Variants in PHEX observed in about 807,000 individuals in gnomAD.
PHEX encodes the protein phosphate regulating endopeptidase X-linked.
A neutral mutation model predicts 68.0 loss-of-function variants in PHEX; 16 were observed. The ratio of observed to expected loss-of-function variants is 0.24; its 90% CI spans 0.16 to 0.36. The LOEUF is 0.36. Among genes scored for constraint, PHEX ranks in the 10% least tolerant of loss-of-function variants. The pLI, the probability that PHEX is intolerant of heterozygous loss-of-function variation, is 1.00. For missense variants in PHEX, 480 were observed against 575.5 expected, an observed-to-expected ratio of 0.83 and a Z score of 1.70; for synonymous variants, 208 against 205.1, an observed-to-expected ratio of 1.01 and a Z score of -0.12.
At position 22,233,147 on chromosome X, in the gene PHEX, T is replaced by C. The variant is rs150051288; in HGVS notation, c.2070+5536T>C. Among the ~76,000 whole-genome samples, 874 of 112,294 alleles carry C rather than the reference T, an allele frequency of 7.8e-3. 7 individuals carry two copies. The highest frequency in any genetic ancestry group is 0.027 in the African/African-American group (840 of 30,859). On this transcript the variant is annotated intron_variant, in intron 20 of 21. Coordinates refer to ENST00000379374, the MANE Select transcript of PHEX (RefSeq NM_000444.6). Reference sequence around the variant, plus strand: ...ATATTGGCCCTCACTCTCTCCTGGCTTGTAGAGTTTGTGCTGAGAGAGATC... The same window carrying C: ...ATATTGGCCCTCACTCTCTCCTGGCCTGTAGAGTTTGTGCTGAGAGAGATC...
At chrX:22,107,585 A>G (rs184930420) in intron 9 of PHEX, among the ~76,000 whole-genome samples, 1 of 111,557 alleles carries the variant, frequency 9.0e-6, no homozygotes, top group African/African-American at 3.3e-5. Context: ...ATCCTCTCCA[A>G]CATATCAGCC....
At chrX:22,132,045 G>C (rs1932030205) in intron 11 of PHEX, among the ~76,000 whole-genome samples, 1 of 111,871 alleles carries the variant, frequency 8.9e-6, no homozygotes, top group South Asian at 3.8e-4. Flanking sequence ...CTTTGCGATA[G>C]GTCTTTCAGA....
intron 11 of PHEX, among the ~76,000 whole-genome samples, chrX:22,120,441 A>T (rs775665080): frequency 2.7e-5 from 3 of 111,746 alleles, no homozygotes; most frequent in African/African-American, 9.8e-5. Context: ...TTCTAATATT[A>T]AGATCCTAAA....
At position 22,154,386 on chromosome X, in the gene PHEX, G is replaced by T. The variant is rs763366015; in HGVS notation, c.1405-13926G>T. ...GCCTTGGTACCATGGCAAGTACCAT[G>T]ATCTACAGCAGAGAGTATCTCAAAT... On this transcript the variant is annotated intron_variant, in intron 12 of 21. Transcript: ENST00000379374. Among the ~76,000 whole-genome samples the T allele has an allele frequency of 3.6e-5, 4 of 111,137 alleles. No homozygotes were observed. In the East Asian group the frequency reaches 1.1e-3, roughly 32 times the overall value.
chrX:22,216,811 C>A (rs537396507), intron 16 of PHEX, among the ~76,000 whole-genome samples: 1 of 111,274 alleles, frequency 9.0e-6, no homozygotes, highest in Non-Finnish European at 1.9e-5. Flanking sequence ...TGAGCCACCA[C>A]GCCTGGCCAA....
At chrX:22,069,769 T>C (rs1034248035) in intron 3 of PHEX, among the ~76,000 whole-genome samples, 1 of 111,792 alleles carries the variant, frequency 8.9e-6, no homozygotes, top group Non-Finnish European at 1.9e-5. Flanking sequence ...ATTCAGTTAA[T>C]CCCATGCTTG....
In PHEX at chrX:22,188,047, T is replaced by C. The variant is rs183608493; in HGVS notation, c.1587-2397T>C. 3.2e-3 allele frequency among the ~76,000 whole-genome samples: 353 copies of C among 111,904 alleles called. 2 individuals are homozygous for C. Among genetic ancestry groups the C allele is most frequent in the African/African-American group, 0.011 (330 of 30,828 alleles). On this transcript the variant is annotated intron_variant, in intron 14 of 21. Coordinates refer to ENST00000379374, the MANE Select transcript of PHEX (RefSeq NM_000444.6). The stretch of plus-strand genomic sequence containing the variant: ...TAGTAAGTGCTCAATGAATGTTAGC[T>C]AAATATAATGATAATGATAACAGAA...
At chrX:22,110,295 CTAAA>C (rs1350094883) in intron 9 of PHEX, among the ~76,000 whole-genome samples, 1 of 112,170 alleles carries the variant, frequency 8.9e-6, no homozygotes, top group East Asian at 2.8e-4. Flanking sequence ...CACCAAACTT[CTAAA>C]TAAAGACCAA....
At chrX:22,106,058 C>T (rs1336769341) in intron 9 of PHEX, among the ~76,000 whole-genome samples, 1 of 107,661 alleles carries the variant, frequency 9.3e-6, no homozygotes, top group Admixed American at 1.0e-4. Flanking sequence ...GGGGAAATTA[C>T]CATATGGCTG....
intron 13 of PHEX, among the ~76,000 whole-genome samples, chrX:22,169,385 CATT>C (rs1310440300): frequency 8.9e-6 from 1 of 112,192 alleles, no homozygotes; most frequent in Non-Finnish European, 1.9e-5. Context: ...CTGAAAATCC[CATT>C]ATTATTATCG....
At chrX:22,196,732 A>T (rs147787962) in intron 15 of PHEX, among the ~76,000 whole-genome samples, 21 of 112,477 alleles carry the variant, frequency 1.9e-4, no homozygotes, top group African/African-American at 6.8e-4. Context: ...TGGCTTGAAA[A>T]CAAGCATGGC....
intron 15 of PHEX, among the ~76,000 whole-genome samples, chrX:22,197,789 A>G (rs894180402): frequency 9.0e-6 from 1 of 111,051 alleles, no homozygotes. Flanking sequence ...GTAGGAGGGT[A>G]TATAACTTTG....
intron 11 of PHEX, among the ~76,000 whole-genome samples, chrX:22,118,946 C>T (rs1327171809): frequency 8.9e-6 from 1 of 112,492 alleles, no homozygotes; most frequent in Non-Finnish European, 1.9e-5. Flanking sequence ...TCATATAGTA[C>T]AATCCCTTGC....
intron 14 of PHEX, among the ~76,000 whole-genome samples, chrX:22,189,708 A>G (rs1934139583): frequency 8.9e-6 from 1 of 112,799 alleles, no homozygotes; most frequent in Middle Eastern, 4.6e-3. Context: ...AAAGCCTAAA[A>G]TATTTATGAT....
intron 2 of PHEX, among the ~76,000 whole-genome samples, chrX:22,040,211 C>T (rs1927211992): frequency 8.9e-6 from 1 of 112,463 alleles, no homozygotes; most frequent in African/African-American, 3.2e-5. Context: ...GTGGCCCTTT[C>T]ACTTTCCTCT....
intron 14 of PHEX, among the ~76,000 whole-genome samples, chrX:22,187,590 A>G (rs1186607243): frequency 4.5e-5 from 5 of 111,435 alleles, no homozygotes; most frequent in Non-Finnish European, 7.5e-5. Flanking sequence ...CCTTCTTACT[A>G]TGTAATGTAA....
chrX:22,130,567 A>C (rs1454632771), intron 11 of PHEX, among the ~76,000 whole-genome samples: 1 of 108,694 alleles, frequency 9.2e-6, no homozygotes, highest in Non-Finnish European at 1.9e-5. Flanking sequence ...AAAAAAAAAA[A>C]AAAAACTTAG....
chrX:22,196,312 G>A (rs183532074), intron 15 of PHEX, among the ~76,000 whole-genome samples: 28 of 112,547 alleles, frequency 2.5e-4, no homozygotes, highest in Admixed American at 7.5e-4. Flanking sequence ...GCTAATAATA[G>A]GTTGCCTCAG....
chrX:22,206,497 G>A (rs775847383), intron 15 of PHEX, among the ~76,000 whole-genome samples: 4 of 111,449 alleles, frequency 3.6e-5, no homozygotes, highest in Non-Finnish European at 7.5e-5. Flanking sequence ...GACAGAAAAC[G>A]CATACAAAAT....
Sources: gnomAD v4.1 joint callset for allele counts (sites outside exome capture counted in the v4.1 genomes callset) on GRCh38, gnomAD v4.1.1 for gene constraint, MANE v1.5 for transcripts, NCBI Gene and HGNC (gene_info 2026-07-23, HGNC 2026-07-21) for gene names.